The following TIMELESS variants were observed in gnomAD, a reference collection of about 807,000 sequenced individuals.
TIMELESS encodes the protein protein timeless homolog.
A neutral mutation model predicts 164.3 loss-of-function variants in TIMELESS; 124 were observed. The observed-to-expected ratio is 0.75, with a 90% CI of 0.65 to 0.88. The LOEUF (loss-of-function observed/expected upper bound fraction) is 0.88. Among genes scored for constraint, TIMELESS ranks in the 40% least tolerant of loss-of-function variants. TIMELESS has a pLI of 0.00. For missense variants in TIMELESS, 1,422 were observed against 1,491.4 expected (o/e 0.95, Z 0.77); for synonymous variants, 564 against 563.4 (o/e 1.00, Z -0.02).
intron 1 of TIMELESS, among the ~76,000 whole-genome samples, chr12:56,447,323 T>C (rs1481945450): frequency 6.6e-6 from 1 of 151,562 alleles, no homozygotes; most frequent in Non-Finnish European, 1.5e-5. Context: ...CAGGTGATTC[T>C]AACTATCCTA....
intron 1 of TIMELESS, among the ~76,000 whole-genome samples, chr12:56,445,979 C>G (rs1868345253): frequency 6.6e-6 from 1 of 152,106 alleles, no homozygotes; most frequent in Admixed American, 6.5e-5. Flanking sequence ...AATCACAGCT[C>G]CCGGCAGCCT....
intron 1 of TIMELESS, among the ~76,000 whole-genome samples, chr12:56,447,892 AG>A (rs1164419078): frequency 2.6e-5 from 4 of 152,092 alleles, no homozygotes; most frequent in Non-Finnish European, 4.4e-5. Flanking sequence ...TCCAAGCAGA[AG>A]GAACAGCAGG....
chr12:56,442,616 A>C (rs1868292460), intron 1 of TIMELESS, among the ~76,000 whole-genome samples: 1 of 152,114 alleles, frequency 6.6e-6, no homozygotes, highest in Non-Finnish European at 1.5e-5. Flanking sequence ...CACCCTGCAA[A>C]AGACCATACA....
intron 26 of TIMELESS, among the ~76,000 whole-genome samples, chr12:56,418,900 A>C (rs962523360): frequency 1.4e-4 from 22 of 151,838 alleles, no homozygotes; most frequent in Non-Finnish European, 2.2e-4. Context: ...ATAAATAAAT[A>C]AATCCTGGGG....
intron 18 of TIMELESS, 83 bp from the exon 19 acceptor site, chr12:56,423,075 T>A (rs1488914417): frequency 6.6e-7 from 1 of 1,508,598 alleles, no homozygotes; most frequent in African/African-American, 1.4e-5. Flanking sequence ...TCTCTATAGC[T>A]GTTCCCAGCT....
rs375494726 is a variant in TIMELESS, at chr12:56,433,790, G to A, written c.234C>T (p.Leu78=). The A allele has an allele frequency of 3.1e-6, 5 of 1,614,210 alleles. No homozygotes were observed. Among genetic ancestry groups the A allele is most frequent in the Non-Finnish European group, 4.2e-6 (5 of 1,180,042 alleles). The change falls in exon 3 of 29, where the codon CTC becomes CTT. Residue 78 remains leucine (L), a synonymous_variant. Coordinates refer to ENST00000553532, the MANE Select transcript of TIMELESS (RefSeq NM_003920.5). Reference sequence around the variant, plus strand: ...GAGGCAACCTGATAACAGCATCAAAGAGAGGCTTGTCCTGGTGGTGCTGGG... The same window carrying A: ...GAGGCAACCTGATAACAGCATCAAAAAGAGGCTTGTCCTGGTGGTGCTGGG... ...ILTQHHQDKP[L]FDAVIRLMVN... is the part of the protein sequence containing the mutation.
chr12:56,420,487 C>A, intron 26 of TIMELESS, 82 bp downstream of exon 26: 1 of 1,161,438 alleles, frequency 8.6e-7, no homozygotes, highest in Non-Finnish European at 1.3e-6. Context: ...AGGAGGACCA[C>A]CATGACAGTG....
chr12:56,440,879 G>T (rs1319525529), intron 1 of TIMELESS, among the ~76,000 whole-genome samples: 1 of 152,158 alleles, frequency 6.6e-6, no homozygotes. Flanking sequence ...ATGCAGTGGC[G>T]TGATCTTGGC....
rs1322972785 is a variant in TIMELESS, at chr12:56,429,078, G to A, written c.1109C>T (p.Ala370Val). 3.7e-6 allele frequency: 6 copies of A among 1,613,832 alleles called. No individual in the cohort carries two copies. Among genetic ancestry groups the A allele is most frequent in the Non-Finnish European group, 5.1e-6 (6 of 1,180,002 alleles). ...ATAATAGGTCTCATCATGCTGCTGA[G>A]CTTTCTCCCGAAGCAGGTGATCCTG... ...SVKDHLLREK[A>V]QQHDETYYMW... Residue 370 changes from alanine to valine, a missense_variant, in exon 11 of 29, where the codon GCT becomes GTT. Ala to Val is a moderately conservative substitution (Grantham distance 64). Transcript: ENST00000553532.
In TIMELESS at chr12:56,421,092, G is replaced by C. The variant is rs1881464771; in HGVS notation, c.2911C>G (p.Leu971Val). Residue 971 changes from leucine (L) to valine (V), a missense_variant, in exon 24 of 29, where the codon CTG (leucine) becomes GTG (valine). Leu to Val is a conservative substitution (Grantham distance 32, BLOSUM62 1). Transcript: ENST00000553532. Reference protein sequence around the residue: ...ESLKDFCQEDLEEEENLPEED... With the variant: ...ESLKDFCQEDVEEEENLPEED... The stretch of plus-strand genomic sequence containing the variant: ...TCAGGCAGGTTTTCCTCTTCTTCCA[G>C]ATCTTCCTGGCAAAAATCTTTCAGG... 3 of 1,613,944 alleles carry C rather than the reference G, an allele frequency of 1.9e-6. No homozygotes were observed. The highest frequency in any genetic ancestry group is 2.7e-5 in the African/African-American group (2 of 74,876).
chr12:56,440,004 C>G (rs1868252432), intron 1 of TIMELESS, among the ~76,000 whole-genome samples: 1 of 152,120 alleles, frequency 6.6e-6, no homozygotes, highest in African/African-American at 2.4e-5. Context: ...ACTTTTCCTA[C>G]TCAACTAAGT....
At position 56,417,514 on chromosome 12, in the gene TIMELESS, A is replaced by G; in HGVS notation, c.*202T>C. 1 of 576,500 alleles carries G rather than the reference A, an allele frequency of 1.7e-6. No individual in the cohort carries two copies. The allele number at this position is 576,500 out of a possible 1,614,324, so 35.7% of individuals were successfully genotyped here. On this transcript the variant is annotated 3_prime_UTR_variant, in exon 29 of 29. Coordinates refer to ENST00000553532, the MANE Select transcript of TIMELESS (RefSeq NM_003920.5). Reference sequence around the variant, plus strand: ...AGAGAGCTGCTGGGGCATACCGATAAAAACTGGGAGAAACAAAGACTGACA... The same window carrying G: ...AGAGAGCTGCTGGGGCATACCGATAGAAACTGGGAGAAACAAAGACTGACA...
intron 19 of TIMELESS, 30 bp downstream of exon 19, chr12:56,422,817 C>T (rs550137557): frequency 2.6e-6 from 4 of 1,527,662 alleles, no homozygotes; most frequent in South Asian, 1.2e-5. Flanking sequence ...TCCCCTACCC[C>T]CACCCACCCT....
chr12:56,442,083 C>CAAAAAAAA (rs34126247), intron 1 of TIMELESS, among the ~76,000 whole-genome samples: 5 of 94,346 alleles, frequency 5.3e-5, no homozygotes, highest in African/African-American at 1.3e-4. Flanking sequence ...GACTCCGTCT[C>CAAAAAAAA]AAAAAAAAAA....
At chr12:56,431,953 T>C (rs774034) in intron 7 of TIMELESS, among the ~76,000 whole-genome samples, 63,798 of 151,516 alleles carry the variant, frequency 0.42, 14,661 homozygotes, top group East Asian at 0.73. Context: ...TATACGCACA[T>C]ACACATATTC....
At chr12:56,429,497 C>CTTTT (rs35987061) in intron 10 of TIMELESS, among the ~76,000 whole-genome samples, 3 of 50,084 alleles carry the variant, frequency 6.0e-5, no homozygotes, top group African/African-American at 2.3e-4. Context: ...TGCGCCTGGT[C>CTTTT]TTTTTTTTTT....
rs778676105 is a variant in TIMELESS at position 56,423,437 on chromosome 12, A to G, written c.2129T>C (p.Leu710Pro). Residue 710 changes from leucine to proline, a missense_variant, in exon 18 of 29, where the codon CTA becomes CCA. Leu to Pro is a moderately conservative substitution (Grantham distance 98). Coordinates refer to ENST00000553532, the MANE Select transcript of TIMELESS (RefSeq NM_003920.5). ...ACTATTCTGCTGGTAGCTCCTTAGTAGCAGCACATAGGCTCGAACGACAGT... is the reference window on the plus strand; with the variant it reads ...ACTATTCTGCTGGTAGCTCCTTAGTGGCAGCACATAGGCTCGAACGACAGT... The part of the protein sequence containing the change: ...CSTVVRAYVL[L>P]LRSYQQNSAH... 8.7e-6 allele frequency: 14 copies of G among 1,614,042 alleles called. No homozygotes were observed. The highest frequency in any genetic ancestry group is 5.3e-5 in the African/African-American group (4 of 74,914).
chr12:56,432,878 C>G (rs1052566808), intron 6 of TIMELESS, 148 bp downstream of exon 6: 1 of 646,704 alleles, frequency 1.5e-6, no homozygotes, highest in African/African-American at 1.9e-5. Flanking sequence ...TGGCGTGAAC[C>G]CAGGAGACAG....
chr12:56,433,969 A>G (rs34697596), intron 2 of TIMELESS, 43 bp from the exon 3 acceptor site: 86,653 of 1,612,308 alleles, frequency 0.054, 2,587 homozygotes, highest in Middle Eastern at 0.077. Context: ...CCTTGGAAGA[A>G]GCTCCATCCA....
Sources: gnomAD v4.1 joint callset for allele counts (sites outside exome capture counted in the v4.1 genomes callset) on GRCh38, gnomAD v4.1.1 for gene constraint, MANE v1.5 for transcripts, NCBI Gene and HGNC (gene_info 2026-07-23, HGNC 2026-07-21) for gene names.